The following SLC5A4 variants were observed in gnomAD, a reference collection of about 807,000 sequenced individuals.
SLC5A4 encodes solute carrier family 5 member 4.
In SLC5A4, 55 loss-of-function variants were observed where a neutral mutation model predicts 70.3. The observed-to-expected ratio is 0.78, with a 90% confidence interval of 0.63 to 0.98. The LOEUF (loss-of-function observed/expected upper bound fraction) is 0.98. SLC5A4 is among the 50% of genes least tolerant of loss of function. The pLI, the probability that SLC5A4 is intolerant of heterozygous loss-of-function variation, is 0.00. For synonymous variants in SLC5A4, 268 were observed against 305.7 expected (o/e 0.88, Z 1.29); for missense variants, 735 against 839.2 (o/e 0.88, Z 1.53).
the SLC5A4 span, among the ~76,000 whole-genome samples, chr22:32,351,162 C>G: frequency 1.3e-5 from 2 of 152,170 alleles, no homozygotes; most frequent in African/African-American, 4.8e-5. Flanking sequence ...ATATGGTTCT[C>G]TTAATGATCT....
the SLC5A4 span, among the ~76,000 whole-genome samples, chr22:32,266,222 A>G: frequency 6.6e-6 from 1 of 152,206 alleles, no homozygotes; most frequent in Non-Finnish European, 1.5e-5. Flanking sequence ...AAAAAACAGA[A>G]ATGATGACTA....
intron 8 of SLC5A4, among the ~76,000 whole-genome samples, chr22:32,233,641 A>C (rs2123894317): frequency 6.6e-6 from 1 of 152,260 alleles, no homozygotes; most frequent in African/African-American, 2.4e-5. Flanking sequence ...TCAATGAGTA[A>C]TAATTAGCAA....
intron 12 of SLC5A4, 137 bp from the exon 13 acceptor site, chr22:32,224,619 CAT>C: frequency 1.5e-6 from 1 of 678,266 alleles, no homozygotes; most frequent in Non-Finnish European, 2.5e-6. Context: ...AGGTTACCGA[CAT>C]AGAGAAAATT....
the SLC5A4 span, among the ~76,000 whole-genome samples, chr22:32,331,096 G>T: frequency 7.0e-6 from 1 of 143,504 alleles, no homozygotes; most frequent in Non-Finnish European, 1.5e-5. Context: ...TGGTGTGTGT[G>T]TGTTGGAGGC....
At chr22:32,261,043 A>T in the SLC5A4 span, among the ~76,000 whole-genome samples, 2 of 151,054 alleles carry the variant, frequency 1.3e-5, no homozygotes, top group African/African-American at 4.9e-5. Context: ...ATTGCACTCC[A>T]GCCTGGGTGA....
Position 32,235,061 on chromosome 22 carries a change from T to G in SLC5A4, c.697A>C (p.Thr233Pro). Reference sequence around the variant, plus strand: ...GGGGTGGCATTCACGTACTTCTCGGTAAAGCTCTCATAACCTCCAACTTCG... The same window carrying G: ...GGGGTGGCATTCACGTACTTCTCGGGAAAGCTCTCATAACCTCCAACTTCG... ...FNEVGGYESFTEKYVNATPSV... is the reference protein window; with the variant it reads ...FNEVGGYESFPEKYVNATPSV... The change falls in exon 8 of 15, where the codon ACC becomes CCC. Residue 233 changes from threonine (T) to proline (P), a missense_variant. Thr to Pro is a conservative substitution (Grantham distance 38, BLOSUM62 -1). Coordinates refer to ENST00000266086, the MANE Select transcript of SLC5A4 (RefSeq NM_014227.3). 1 of 1,613,786 alleles carries G rather than the reference T, an allele frequency of 6.2e-7. No individual in the cohort carries two copies. The highest frequency in any genetic ancestry group is 1.7e-5 in the Admixed American group (1 of 60,010).
At chr22:32,314,610 G>C in the SLC5A4 span, among the ~76,000 whole-genome samples, 13 of 151,906 alleles carry the variant, frequency 8.6e-5, no homozygotes, top group Non-Finnish European at 1.9e-4. Flanking sequence ...ATGGGCAGAT[G>C]ATTTTTTTAA....
the SLC5A4 span, chr22:32,272,892 G>A: frequency 1.9e-6 from 1 of 516,396 alleles, no homozygotes; most frequent in South Asian, 1.5e-5. Flanking sequence ...TGAACGTGCT[G>A]CCACACCACA....
chr22:32,309,269 A>G, the SLC5A4 span, among the ~76,000 whole-genome samples: 3 of 152,218 alleles, frequency 2.0e-5, no homozygotes, highest in Non-Finnish European at 4.4e-5. Flanking sequence ...CTGCTCGTGA[A>G]TCACACACAG....
At chr22:32,299,319 CAT>C in the SLC5A4 span, among the ~76,000 whole-genome samples, 1 of 151,146 alleles carries the variant, frequency 6.6e-6, no homozygotes, top group Non-Finnish European at 1.5e-5. Context: ...GGTCTTTTCA[CAT>C]AGTCCCATAT....
chr22:32,257,671 A>ATTTTTTTTT (rs200927695), upstream of SLC5A4, among the ~76,000 whole-genome samples: 2 of 107,626 alleles, frequency 1.9e-5, no homozygotes, highest in African/African-American at 8.7e-5. Flanking sequence ...TTTTTTTTTA[A>ATTTTTTTTT]TTTTTTTTTT....
the SLC5A4 span, among the ~76,000 whole-genome samples, chr22:32,307,835 C>A: frequency 7.2e-5 from 11 of 152,268 alleles, no homozygotes; most frequent in South Asian, 2.3e-3. Flanking sequence ...CCAGGCATGG[C>A]CTGACTGTCC....
At chr22:32,292,292 T>C in the SLC5A4 span, among the ~76,000 whole-genome samples, 2 of 139,212 alleles carry the variant, frequency 1.4e-5, no homozygotes, top group Non-Finnish European at 3.0e-5. Context: ...ATATATAATA[T>C]ATACTAGATA....
intron 11 of SLC5A4, among the ~76,000 whole-genome samples, chr22:32,226,722 A>G (rs1925420168): frequency 6.6e-6 from 1 of 152,084 alleles, no homozygotes; most frequent in Admixed American, 6.5e-5. Flanking sequence ...TGCTTTCCCA[A>G]CTCATTCAGT....
the SLC5A4 span, chr22:32,270,639 C>T: frequency 5.5e-6 from 4 of 731,436 alleles, no homozygotes; most frequent in South Asian, 2.9e-5. Context: ...CCGAAAACAT[C>T]GGGGACAACC....
intron 11 of SLC5A4, among the ~76,000 whole-genome samples, chr22:32,227,615 G>A (rs1925479088): frequency 6.6e-6 from 1 of 152,196 alleles, no homozygotes; most frequent in Non-Finnish European, 1.5e-5. Context: ...CAACACGGTT[G>A]AATGTTGCAA....
Position 32,254,148 on chromosome 22 carries a change from C to G in SLC5A4, c.201G>C (p.Trp67Cys). 2.5e-6 allele frequency: 4 copies of G among 1,613,088 alleles called. No individual in the cohort carries two copies. Among genetic ancestry groups the G allele is most frequent in the Non-Finnish European group, 3.4e-6 (4 of 1,179,050 alleles). ...AAAACTTCGATCCACTTACCGGCCA[C>G]CAGGCCATATCACGACCAGCGAGGA... ...GFFLAGRDMA[W>C]WPMGASLFAS... Residue 67 changes from tryptophan to cysteine, a missense_variant, in exon 2 of 15, where the codon TGG (tryptophan) becomes TGC (cysteine). Coordinates refer to ENST00000266086, the MANE Select transcript of SLC5A4 (RefSeq NM_014227.3).
Position 32,254,201 on chromosome 22 carries a change from T to C in SLC5A4, c.148A>G (p.Thr50Ala). 1 of 1,613,782 alleles carries C rather than the reference T, an allele frequency of 6.2e-7. No individual in the cohort carries two copies. The highest frequency in any genetic ancestry group is 8.5e-7 in the Non-Finnish European group (1 of 1,179,710). The part of the protein sequence containing the change: ...MAVGLWAMLK[T>A]NRGTIGGFFL... ...AAGCCTCCTATAGTACCTCGGTTGG[T>C]CTTCAGCATCGCCTGAGCAGAAGGG... Residue 50 changes from threonine (T) to alanine (A), a missense_variant, in exon 2 of 15, where the codon ACC becomes GCC. Coordinates refer to ENST00000266086, the MANE Select transcript of SLC5A4 (RefSeq NM_014227.3).
chr22:32,258,492 C>T (rs1056954155), upstream of SLC5A4, among the ~76,000 whole-genome samples: 11 of 152,094 alleles, frequency 7.2e-5, no homozygotes, highest in South Asian at 2.1e-4. Flanking sequence ...AATTGTTCAA[C>T]GTCACTAATC....
Sources: allele counts gnomAD v4.1 joint callset (sites outside exome capture counted in the v4.1 genomes callset), GRCh38; gene constraint gnomAD v4.1.1; transcripts MANE v1.5; gene names NCBI Gene and HGNC (gene_info 2026-07-23, HGNC 2026-07-21).